BBS5: variants seen among roughly 807,000 people sequenced by gnomAD.
BBS5 encodes the protein Bardet-Biedl syndrome 5.
BBS5 carries 39 observed loss-of-function variants against 50.2 expected under a neutral mutation model. That is an observed-to-expected ratio of 0.78 (90% CI 0.60 to 1.01). The LOEUF is 1.01. Ranked by LOEUF, BBS5 falls within the 50% of genes least tolerant of loss-of-function variation. BBS5 has a pLI of 0.00. For synonymous variants in BBS5, 134 were observed against 133.1 expected (o/e 1.01, Z -0.05); for missense variants, 356 against 401.5 (o/e 0.89, Z 0.97).
At position 169,497,696 on chromosome 2, in the gene BBS5, T is replaced by C; in HGVS notation, c.681+7T>C. The C allele has an allele frequency of 6.4e-7, 1 of 1,566,390 alleles. No homozygotes were observed. The highest frequency in any genetic ancestry group is 8.8e-7 in the Non-Finnish European group (1 of 1,138,320). ...CATAGAAAGCTCTCAGCAGGTAAGA[T>C]CTTGTATATTTTTATTAATCTTTGA... On this transcript the variant is annotated splice_region_variant and intron_variant, in intron 8 of 11. Transcript: ENST00000295240.
intron 5 of BBS5, among the ~76,000 whole-genome samples, chr2:169,490,000 C>T (rs1244966438): frequency 3.3e-5 from 5 of 149,810 alleles, no homozygotes; most frequent in South Asian, 2.1e-4. Context: ...CTCAGCCTCC[C>T]GAGTAGCTGG....
intron 8 of BBS5, among the ~76,000 whole-genome samples, chr2:169,498,661 C>A (rs1683739653): frequency 6.6e-6 from 1 of 151,834 alleles, no homozygotes; most frequent in African/African-American, 2.4e-5. Context: ...AAAAATTAGC[C>A]GGGCGTGGTG....
rs751207512 is a variant in BBS5 at position 169,503,121 on chromosome 2, C to T, written c.843C>T (p.Val281=). 21 of 1,613,774 alleles carry T rather than the reference C, an allele frequency of 1.3e-5. 1 individual carries two copies. Among genetic ancestry groups the T allele is most frequent in the South Asian group, 9.9e-5 (9 of 91,046 alleles). The change falls in exon 10 of 12, where the codon GTC becomes GTT. Residue 281 remains valine, a synonymous_variant. Transcript: ENST00000295240. ...CCCAGCCGCTCGAAGCTCTGACAGTCGAACAAATTCAAGATGATGTAGAAA... is the reference window on the plus strand; with the variant it reads ...CCCAGCCGCTCGAAGCTCTGACAGTTGAACAAATTCAAGATGATGTAGAAA... ...EKPQPLEALT[V]EQIQDDVEID... is the part of the protein sequence containing the mutation.
chr2:169,492,488 CAA>C (rs111566391), intron 5 of BBS5, among the ~76,000 whole-genome samples: 7 of 95,230 alleles, frequency 7.4e-5, no homozygotes, highest in Admixed American at 1.1e-4. Context: ...GACTCCATCT[CAA>C]AAAAAAAAAA....
chr2:169,499,466 T>TA lies in BBS5; in HGVS notation c.682-19dup. On this transcript the variant is annotated intron_variant, in intron 8 of 11. Transcript: ENST00000295240. The stretch of plus-strand genomic sequence containing the variant: ...TCTTCAGACTTGTTGGGTTTTTTTT[T>TA]ATTATTTTTTCTCTTGTAGAGTGGT... 2.5e-6 allele frequency: 4 copies of TA among 1,608,580 alleles called. No individual in the cohort carries two copies. The highest frequency in any genetic ancestry group is 3.4e-6 in the Non-Finnish European group (4 of 1,176,780).
rs749282553 is a variant in BBS5 at position 169,487,024 on chromosome 2, G to A, written c.143-45G>A. Reference sequence around the variant, plus strand: ...CCATCTCATTCAGTGCTGCAAAAATGGGTTCTTATTTAAGTTAACCTATTT... The same window carrying A: ...CCATCTCATTCAGTGCTGCAAAAATAGGTTCTTATTTAAGTTAACCTATTT... On this transcript the variant is annotated intron_variant, in intron 2 of 11. Transcript: ENST00000295240. 148 of 1,295,372 alleles carry A rather than the reference G, an allele frequency of 1.1e-4. 2 individuals carry two copies. In the South Asian group the frequency reaches 1.7e-3, roughly 15 times the overall value. 80.2% of individuals were successfully genotyped at this position (1,295,372 alleles called of 1,614,324 possible). A position where few individuals can be genotyped will look rare whatever the true frequency, so the allele number is the denominator to read the frequency against.
chr2:169,492,436 GC>G (rs1553527878), intron 5 of BBS5, among the ~76,000 whole-genome samples: 2 of 150,542 alleles, frequency 1.3e-5, no homozygotes, highest in Non-Finnish European at 2.9e-5. Context: ...GTTGCAGTGA[GC>G]CAAGATTGCA....
chr2:169,492,182 A>T (rs1298036115), intron 5 of BBS5, among the ~76,000 whole-genome samples: 1 of 152,044 alleles, frequency 6.6e-6, no homozygotes, highest in Non-Finnish European at 1.5e-5. Flanking sequence ...GATAGAAAAA[A>T]CAATTTCCAT....
At chr2:169,495,809 C>T (rs1456504865) in intron 7 of BBS5, among the ~76,000 whole-genome samples, 4 of 152,192 alleles carry the variant, frequency 2.6e-5, no homozygotes. Flanking sequence ...GCGTGCACAG[C>T]CACACCTGGC....
At position 169,505,100 on chromosome 2, in the gene BBS5, G is replaced by A. The variant is rs1257087199; in HGVS notation, c.*518G>A. ...CTGCCGAGTGCCTGCGATTACAGGC[G>A]CGCGCCGCCACACCTGACTGGTTTT... On this transcript the variant is annotated 3_prime_UTR_variant, in exon 12 of 12. Transcript: ENST00000295240. The A allele has an allele frequency of 4.1e-5, 41 of 1,009,550 alleles. No homozygotes were observed. Among genetic ancestry groups the A allele is most frequent in the Non-Finnish European group, 5.2e-5 (34 of 656,992 alleles). 62.5% of individuals were successfully genotyped at this position (1,009,550 alleles called of 1,614,324 possible). A position where few individuals can be genotyped will look rare whatever the true frequency, so the allele number is the denominator to read the frequency against.
intron 7 of BBS5, among the ~76,000 whole-genome samples, chr2:169,495,350 T>A (rs1008079322): frequency 1.3e-5 from 2 of 152,236 alleles, no homozygotes; most frequent in East Asian, 3.8e-4. Flanking sequence ...TCTATTATGC[T>A]GAATAATTAC....
intron 2 of BBS5, 104 bp downstream of exon 2, chr2:169,482,437 T>A: frequency 3.6e-6 from 3 of 842,504 alleles, no homozygotes; most frequent in South Asian, 2.7e-5. Flanking sequence ...TCAGTGTAAT[T>A]GTGAGAATAG....
At chr2:169,480,691 T>C (rs1231501774) in intron 1 of BBS5, among the ~76,000 whole-genome samples, 1 of 141,132 alleles carries the variant, frequency 7.1e-6, no homozygotes, top group Admixed American at 7.2e-5. Flanking sequence ...TTTTTTTTTT[T>C]TTTTTTTGAG....
At chr2:169,502,814 T>C (rs1362773720) in intron 9 of BBS5, among the ~76,000 whole-genome samples, 1 of 152,224 alleles carries the variant, frequency 6.6e-6, no homozygotes, top group African/African-American at 2.4e-5. Flanking sequence ...GTGAAAGAAA[T>C]GTGAAAGTCA....
At chr2:169,500,042 C>T (rs1159462069) in intron 9 of BBS5, among the ~76,000 whole-genome samples, 2 of 151,942 alleles carry the variant, frequency 1.3e-5, no homozygotes, top group African/African-American at 4.8e-5. Flanking sequence ...TACATCAGCA[C>T]GGCCTGCATC....
At chr2:169,483,523 GTA>G (rs1243782152) in intron 2 of BBS5, among the ~76,000 whole-genome samples, 1 of 152,108 alleles carries the variant, frequency 6.6e-6, no homozygotes, top group Non-Finnish European at 1.5e-5. Context: ...TGGCAAGTAG[GTA>G]TAGTGGTAGC....
chr2:169,482,986 GA>G (rs893736768), intron 2 of BBS5, among the ~76,000 whole-genome samples: 61 of 150,368 alleles, frequency 4.1e-4, no homozygotes, highest in African/African-American at 1.4e-3. Context: ...TACTTCCAAG[GA>G]AAAAAAAATA....
chr2:169,479,758 A>G, intron 1 of BBS5, 146 bp downstream of exon 1: 1 of 919,862 alleles, frequency 1.1e-6, no homozygotes, highest in Non-Finnish European at 1.7e-6. Flanking sequence ...GCGCCTCGAG[A>G]GACCTCAGGC....
At chr2:169,493,511 T>C (rs1184567044) in intron 6 of BBS5, among the ~76,000 whole-genome samples, 1 of 152,150 alleles carries the variant, frequency 6.6e-6, no homozygotes, top group South Asian at 2.1e-4. Flanking sequence ...AGAAGAAATT[T>C]CCCTATGGTC....
Sources: allele counts gnomAD v4.1 joint callset (sites outside exome capture counted in the v4.1 genomes callset), GRCh38; gene constraint gnomAD v4.1.1; transcripts MANE v1.5; gene names NCBI Gene and HGNC (gene_info 2026-07-23, HGNC 2026-07-21).